TYW1: variants seen among roughly 807,000 people sequenced by gnomAD.
TYW1 encodes the protein S-adenosyl-L-methionine-dependent tRNA 4-demethylwyosine synthase TYW1.
A neutral mutation model predicts 96.2 loss-of-function variants in TYW1; 46 were observed. The observed-to-expected ratio is 0.48, with a 90% CI of 0.38 to 0.61. TYW1 has a LOEUF of 0.61. TYW1 is among the 20% of genes least tolerant of loss of function. The pLI, the probability that TYW1 is intolerant of heterozygous loss-of-function variation, is 0.00. For synonymous variants in TYW1, 274 were observed against 323.0 expected, an observed-to-expected ratio of 0.85 and a Z score of 1.63; for missense variants, 684 against 909.6, an observed-to-expected ratio of 0.75 and a Z score of 3.19.
intron 13 of TYW1, among the ~76,000 whole-genome samples, chr7:67,155,284 G>C (rs889003048): frequency 1.3e-5 from 2 of 152,206 alleles, no homozygotes; most frequent in African/African-American, 4.8e-5. Flanking sequence ...CATGGAGACA[G>C]ATCCCTCAGG....
intron 13 of TYW1, among the ~76,000 whole-genome samples, chr7:67,148,720 T>C (rs1432949197): frequency 1.3e-5 from 2 of 152,140 alleles, no homozygotes; most frequent in Non-Finnish European, 2.9e-5. Context: ...CGTGAGCCAC[T>C]GTGCCCGGCT....
At chr7:67,066,820 C>T (rs562475502) in intron 9 of TYW1, among the ~76,000 whole-genome samples, 1 of 152,284 alleles carries the variant, frequency 6.6e-6, no homozygotes, top group East Asian at 1.9e-4. Flanking sequence ...TGCACTCCAG[C>T]CTAAGGAACA....
chr7:67,051,732 G>GTTTTTTTT (rs201852688), intron 8 of TYW1, among the ~76,000 whole-genome samples: 56 of 123,908 alleles, frequency 4.5e-4, no homozygotes, highest in African/African-American at 5.3e-4. Context: ...TTGTTTTTTT[G>GTTTTTTTT]TTTTTTTTTT....
chr7:67,067,173 A>G (rs1419753552), intron 9 of TYW1, 112 bp from the exon 10 acceptor site: 67 of 1,211,334 alleles, frequency 5.5e-5, no homozygotes, highest in South Asian at 8.9e-5. Flanking sequence ...AGTTACCAGT[A>G]GGAGTATTCA....
At chr7:67,103,832 T>C (rs764630400) in intron 12 of TYW1, among the ~76,000 whole-genome samples, 4 of 152,206 alleles carry the variant, frequency 2.6e-5, no homozygotes, top group Non-Finnish European at 4.4e-5. Flanking sequence ...AGCTATTTGC[T>C]GAGCCTCTTG....
chr7:67,016,066 C>T (rs1446341443), intron 5 of TYW1, among the ~76,000 whole-genome samples: 1 of 151,640 alleles, frequency 6.6e-6, no homozygotes, highest in Non-Finnish European at 1.5e-5. Flanking sequence ...TTTTCCCGGG[C>T]TATTTTTCTA....
At chr7:67,189,453 GTGTT>G (rs1800139335) in intron 14 of TYW1, among the ~76,000 whole-genome samples, 1 of 116,898 alleles carries the variant, frequency 8.6e-6, no homozygotes, top group East Asian at 3.6e-4. Flanking sequence ...GTATGTGTGT[GTGTT>G]TGTGTTTGTG....
rs559819656 is a variant in TYW1 at position 67,155,034 on chromosome 7, T to G, written c.1699-28092T>G. ...TCCAAGATTTCTGATTTGGTTCTAT[T>G]TTAGGATATCTGTATCTTTGTATTG... On this transcript the variant is annotated intron_variant, in intron 13 of 15. Coordinates refer to ENST00000359626, the MANE Select transcript of TYW1 (RefSeq NM_018264.4). Among the ~76,000 whole-genome samples, 31 of 152,320 alleles carry G rather than the reference T, an allele frequency of 2.0e-4. 1 individual carries two copies. The South Asian group carries it at 4.1e-3, about 20-fold the overall frequency.
intron 9 of TYW1, among the ~76,000 whole-genome samples, chr7:67,061,915 ATCATCGTCATT>A (rs1795707974): frequency 6.6e-6 from 1 of 152,208 alleles, no homozygotes; most frequent in Non-Finnish European, 1.5e-5. Context: ...TCACAAACAC[ATCATCGTCATT>A]AATTACTTAA....
chr7:67,125,776 C>T (rs1471557592), intron 13 of TYW1, among the ~76,000 whole-genome samples: 1 of 152,166 alleles, frequency 6.6e-6, no homozygotes, highest in East Asian at 1.9e-4. Context: ...TTACTGTCTG[C>T]GTAGCTTTGC....
intron 9 of TYW1, among the ~76,000 whole-genome samples, chr7:67,062,472 GCAGATGTTTTCTGCAATCACC>G (rs1795723332): frequency 6.7e-6 from 1 of 149,520 alleles, no homozygotes; most frequent in African/African-American, 2.5e-5. Context: ...GTAGCTGATT[GCAGATGTTTTCTGCAATCACC>G]CAGATGTAGC....
intron 15 of TYW1, among the ~76,000 whole-genome samples, chr7:67,211,868 TC>T (rs755699618): frequency 2.0e-5 from 3 of 152,278 alleles, no homozygotes; most frequent in Non-Finnish European, 4.4e-5. Context: ...TCAGCGTCTT[TC>T]CCCCTCTATG....
intron 15 of TYW1, among the ~76,000 whole-genome samples, chr7:67,207,472 T>C (rs1800843066): frequency 1.3e-5 from 2 of 152,190 alleles, no homozygotes; most frequent in South Asian, 4.1e-4. Flanking sequence ...TTAAATCCAG[T>C]GACCTTTTCT....
chr7:67,057,561 G>C (rs1225693180), intron 9 of TYW1, among the ~76,000 whole-genome samples: 1 of 151,902 alleles, frequency 6.6e-6, no homozygotes, highest in African/African-American at 2.4e-5. Context: ...AGTTGAGACG[G>C]GGTTTCACTA....
At chr7:67,206,688 AAAGAC>A (rs1800812342) in intron 15 of TYW1, among the ~76,000 whole-genome samples, 1 of 152,084 alleles carries the variant, frequency 6.6e-6, no homozygotes, top group African/African-American at 2.4e-5. Context: ...GATGTAACTA[AAAGAC>A]AAGGGAAAGA....
At chr7:67,045,881 A>T (rs1468650664) in intron 7 of TYW1, among the ~76,000 whole-genome samples, 1 of 152,194 alleles carries the variant, frequency 6.6e-6, no homozygotes, top group African/African-American at 2.4e-5. Context: ...TGGAGAGAAC[A>T]GTTATGTTGG....
chr7:67,216,116 T>G (rs1262909170), intron 15 of TYW1, among the ~76,000 whole-genome samples: 2 of 151,474 alleles, frequency 1.3e-5, no homozygotes, highest in Non-Finnish European at 2.9e-5. Flanking sequence ...ACCTTGGACT[T>G]AAGGTAATAT....
intron 13 of TYW1, among the ~76,000 whole-genome samples, chr7:67,151,528 A>G (rs1798799555): frequency 6.6e-6 from 1 of 152,156 alleles, no homozygotes; most frequent in African/African-American, 2.4e-5. Flanking sequence ...GGAGTGATTC[A>G]GAATTCTTAT....
intron 15 of TYW1, among the ~76,000 whole-genome samples, chr7:67,202,680 A>G (rs1279323423): frequency 6.6e-6 from 1 of 152,134 alleles, no homozygotes; most frequent in Non-Finnish European, 1.5e-5. Context: ...TACAGACATG[A>G]GCCACCGTAA....
Sources: allele counts gnomAD v4.1 joint callset (sites outside exome capture counted in the v4.1 genomes callset), GRCh38; gene constraint gnomAD v4.1.1; transcripts MANE v1.5; gene names NCBI Gene and HGNC (gene_info 2026-07-23, HGNC 2026-07-21).